The following DOK7 variants were observed in gnomAD, a reference collection of about 807,000 sequenced individuals.
DOK7 encodes docking protein 7.
In DOK7, 32 loss-of-function variants were observed where a neutral mutation model predicts 30.7. The observed-to-expected ratio is 1.04, with a 90% CI of 0.79 to 1.40. The LOEUF (loss-of-function observed/expected upper bound fraction) is 1.40. DOK7 is among the 40% of genes most tolerant of loss of function. DOK7 has a pLI of 0.00. For synonymous variants in DOK7, 447 were observed against 324.1 expected (o/e 1.38, Z -4.07); for missense variants, 1,007 against 699.2 (o/e 1.44, Z -4.97).
rs1728708661 is a variant in DOK7 at position 3,493,712 on chromosome 4, C to G, written c.*211C>G. The stretch of plus-strand genomic sequence containing the variant: ...AGGTGAGTTCTGGAAGGCAGGGGCT[C>G]TGGGTCCGGCAGGTCGGGGTCACCA... On this transcript the variant is annotated 3_prime_UTR_variant, in exon 7 of 7. Transcript: ENST00000340083. 2.8e-6 allele frequency: 4 copies of G among 1,433,054 alleles called. No individual in the cohort carries two copies. The highest frequency in any genetic ancestry group is 2.7e-6 in the Non-Finnish European group (3 of 1,096,764). The allele number at this position is 1,433,054 out of a possible 1,614,324, so 88.8% of individuals were successfully genotyped here.
At chr4:3,492,408 G>C (rs75412833) in intron 6 of DOK7, among the ~76,000 whole-genome samples, 1 of 152,070 alleles carries the variant, frequency 6.6e-6, no homozygotes. Flanking sequence ...GAAGGTAGTC[G>C]GGATGGCTGG....
chr4:3,467,908 GC>G (rs2109321543), intron 2 of DOK7, among the ~76,000 whole-genome samples: 1 of 152,274 alleles, frequency 6.6e-6, no homozygotes, highest in South Asian at 2.1e-4. Context: ...GCGCCCTGGG[GC>G]CCCCTCATCA....
chr4:3,491,627 T>G lies in DOK7; in HGVS notation c.773-1132T>G, dbSNP rs1329273272. ...GAGGTGCTGACGGGAAAGGTGGTTC[T>G]GCCCTGAGAGCCTTTGAATCCTTTC... On this transcript the variant is annotated intron_variant, in intron 6 of 6. Transcript: ENST00000340083. 4.6e-5 allele frequency among the ~76,000 whole-genome samples: 7 copies of G among 152,072 alleles called. No homozygotes were observed. In the East Asian group the frequency reaches 9.7e-4, roughly 21 times the overall value.
At chr4:3,490,832 C>T (rs868376560) in intron 6 of DOK7, among the ~76,000 whole-genome samples, 1 of 63,802 alleles carries the variant, frequency 1.6e-5, no homozygotes, top group Non-Finnish European at 2.9e-5. Flanking sequence ...TGCCTTCCCC[C>T]CATTCATTCC....
intron 6 of DOK7, chr4:3,500,129 G>C: frequency 8.1e-7 from 1 of 1,233,718 alleles, no homozygotes; most frequent in African/African-American, 1.5e-5. Context: ...AACTTCCAAG[G>C]TGCAGGAGAG....
chr4:3,481,054 G>A (rs1382409557), intron 4 of DOK7, among the ~76,000 whole-genome samples: 3 of 152,094 alleles, frequency 2.0e-5, no homozygotes, highest in Non-Finnish European at 2.9e-5. Context: ...CTTTGAGCAC[G>A]AATGGGTGTC....
intron 4 of DOK7, among the ~76,000 whole-genome samples, chr4:3,482,954 C>CT (rs1370913505): frequency 6.6e-6 from 1 of 151,988 alleles, no homozygotes; most frequent in Non-Finnish European, 1.5e-5. Context: ...CACAGAGGGG[C>CT]TGTCGGGGTC....
intron 3 of DOK7, among the ~76,000 whole-genome samples, chr4:3,474,803 C>A (rs1172604237): frequency 6.6e-6 from 1 of 151,196 alleles, no homozygotes; most frequent in Non-Finnish European, 1.5e-5. Flanking sequence ...GCCTGGGCAA[C>A]AGAGTAGGAC....
chr4:3,479,171 C>T (rs754277745), intron 4 of DOK7, among the ~76,000 whole-genome samples: 4 of 152,226 alleles, frequency 2.6e-5, no homozygotes, highest in East Asian at 1.9e-4. Flanking sequence ...CCCTTCCAGC[C>T]GCTGGTGGCC....
downstream of DOK7, among the ~76,000 whole-genome samples, chr4:3,495,061 T>C (rs1024508190): frequency 6.6e-6 from 1 of 152,186 alleles, no homozygotes; most frequent in Non-Finnish European, 1.5e-5. Flanking sequence ...GGACTGAGTT[T>C]GGGCCACATC....
intron 6 of DOK7, among the ~76,000 whole-genome samples, chr4:3,490,633 GC>G (rs60186326): frequency 4.7e-5 from 4 of 85,610 alleles, no homozygotes; most frequent in Non-Finnish European, 6.2e-5. Context: ...TTCCCTCTCC[GC>G]CTGCTCGTTC....
chr4:3,496,781 G>A (rs1327856123), downstream of DOK7: 4 of 1,535,338 alleles, frequency 2.6e-6, no homozygotes, highest in East Asian at 4.9e-5. Context: ...ATGAGGGGAA[G>A]ACTGAAGGAT....
rs750929473 is a variant in DOK7, at chr4:3,492,960, G to C, written c.974G>C (p.Arg325Pro). 7 of 1,552,106 alleles carry C rather than the reference G, an allele frequency of 4.5e-6. No homozygotes were observed. The South Asian group carries it at 8.2e-5, about 18-fold the overall frequency. Reference protein sequence around the residue: ...SRPPPKPLRPRQLQEVGRQSS... With the variant: ...SRPPPKPLRPPQLQEVGRQSS... ...CCACCCCCCAAGCCGCTGCGTCCGC[G>C]GCAGCTGCAGGAGGTTGGCCGCCAG... Residue 325 changes from arginine (R) to proline (P), a missense_variant, in exon 7 of 7, where the codon CGG becomes CCG. Transcript: ENST00000340083.
chr4:3,501,123 T>G, exon 8 of DOK7: 1 of 434,326 alleles, frequency 2.3e-6, no homozygotes. Flanking sequence ...TGCTGTGGCA[T>G]CTCAGGCAGA....
At position 3,493,028 on chromosome 4, in the gene DOK7, T is replaced by G. The variant is rs1728613998; in HGVS notation, c.1042T>G (p.Tyr348Asp). The G allele has an allele frequency of 1.3e-6, 2 of 1,570,624 alleles. No homozygotes were observed. Among genetic ancestry groups the G allele is most frequent in the Non-Finnish European group, 1.7e-6 (2 of 1,162,986 alleles). ...CATCGCCACTGGCAGCCACTCCTCT[T>G]ACTCCAGCAGCCTCTCGTCCTACGC... The part of the protein sequence containing the change: ...SGIATGSHSS[Y>D]SSSLSSYAGS... Residue 348 changes from tyrosine (Y) to aspartate (D), a missense_variant, in exon 7 of 7, where the codon TAC becomes GAC. Transcript: ENST00000340083.
chr4:3,466,860 C>T (rs1388622515), intron 2 of DOK7, among the ~76,000 whole-genome samples: 1 of 152,230 alleles, frequency 6.6e-6, no homozygotes, highest in Non-Finnish European at 1.5e-5. Context: ...ACACCTCCAA[C>T]ACCTGTGCCG....
downstream of DOK7, among the ~76,000 whole-genome samples, chr4:3,494,791 G>T (rs575806466): frequency 3.9e-5 from 6 of 152,332 alleles, no homozygotes; most frequent in African/African-American, 1.2e-4. Flanking sequence ...CTCAGGTCCC[G>T]GTGAGGGCGG....
At chr4:3,472,760 G>C (rs552669093) in intron 2 of DOK7, among the ~76,000 whole-genome samples, 3 of 152,208 alleles carry the variant, frequency 2.0e-5, no homozygotes, top group Non-Finnish European at 2.9e-5. Flanking sequence ...TGGAGGGTCC[G>C]GGAGGCAGAA....
At chr4:3,501,172 C>A (rs1362368512) in exon 8 of DOK7, 12 of 318,278 alleles carry the variant, frequency 3.8e-5, no homozygotes, top group Non-Finnish European at 6.4e-5. Context: ...GTTTGTGGTG[C>A]CTGGGATGCA....
Sources: gnomAD v4.1 joint callset for allele counts (sites outside exome capture counted in the v4.1 genomes callset) on GRCh38, gnomAD v4.1.1 for gene constraint, MANE v1.5 for transcripts, NCBI Gene and HGNC (gene_info 2026-07-23, HGNC 2026-07-21) for gene names.